Variants in CTNNA3 observed in about 807,000 individuals in gnomAD.
The protein encoded by CTNNA3 is catenin alpha 3.
CTNNA3 carries 76 observed loss-of-function variants against 95.7 expected under a neutral mutation model. The observed-to-expected ratio is 0.79, with a 90% confidence interval of 0.66 to 0.96. CTNNA3 has a LOEUF of 0.96. Among genes scored for constraint, CTNNA3 ranks in the 40% least tolerant of loss-of-function variants. The probability of loss-of-function intolerance (pLI) is 0.00; values close to 1 mark genes in which losing one functional copy is unlikely to be tolerated. For synonymous variants in CTNNA3, 431 were observed against 374.4 expected (o/e 1.15, Z -1.74); for missense variants, 1,191 against 1,089.8 (o/e 1.09, Z -1.31).
At chr10:66,600,073 C>T (rs1043685199) in intron 10 of CTNNA3, among the ~76,000 whole-genome samples, 1 of 151,796 alleles carries the variant, frequency 6.6e-6, no homozygotes, top group African/African-American at 2.4e-5. Context: ...GCATATTTAA[C>T]AACCAGGCTA....
chr10:67,430,952 A>G (rs1461585301), intron 5 of CTNNA3, among the ~76,000 whole-genome samples: 5 of 151,930 alleles, frequency 3.3e-5, no homozygotes, highest in African/African-American at 7.2e-5. Context: ...GCAAAGATAA[A>G]TAAATTTGTC....
chr10:67,008,529 T>G (rs1369327917), intron 7 of CTNNA3, among the ~76,000 whole-genome samples: 1 of 152,158 alleles, frequency 6.6e-6, no homozygotes, highest in East Asian at 1.9e-4. Flanking sequence ...CAATAATGTA[T>G]TTGTTCATAA....
intron 12 of CTNNA3, among the ~76,000 whole-genome samples, chr10:66,290,085 A>G (rs1007050644): frequency 4.6e-5 from 7 of 152,044 alleles, no homozygotes; most frequent in Non-Finnish European, 8.8e-5. Context: ...GGGTGGATAA[A>G]AGGAAAGAAG....
rs541201784 is a variant in CTNNA3 at position 66,432,139 on chromosome 10, C to T, written c.1532-52787G>A. On this transcript the variant is annotated intron_variant, in intron 11 of 17. Transcript: ENST00000433211. The stretch of plus-strand genomic sequence containing the variant: ...AAGTATGGTATTTAATAATAAAAAA[C>T]AAATTTAGAACAATAAAAGGTTAAG... Among the ~76,000 whole-genome samples the T allele has an allele frequency of 1.6e-3, 242 of 151,696 alleles. 1 individual carries two copies. The highest frequency in any genetic ancestry group is 5.5e-3 in the African/African-American group (229 of 41,384).
chr10:66,556,073 C>A (rs1842379925), intron 10 of CTNNA3, among the ~76,000 whole-genome samples: 1 of 151,740 alleles, frequency 6.6e-6, no homozygotes, highest in Non-Finnish European at 1.5e-5. Context: ...GACATTTTCC[C>A]AAAAAGGCAT....
At chr10:66,910,328 T>C (rs1846168625) in intron 7 of CTNNA3, among the ~76,000 whole-genome samples, 1 of 152,194 alleles carries the variant, frequency 6.6e-6, no homozygotes, top group Admixed American at 6.5e-5. Context: ...ATAATCTTTG[T>C]ATCAAGTTGA....
chr10:67,635,955 C>T (rs1465187788), intron 2 of CTNNA3, among the ~76,000 whole-genome samples: 2 of 152,136 alleles, frequency 1.3e-5, no homozygotes, highest in African/African-American at 4.8e-5. Flanking sequence ...AGCTGATAAG[C>T]AACTTCAGCA....
At chr10:66,023,428 T>A (rs1006993549) in intron 15 of CTNNA3, among the ~76,000 whole-genome samples, 11 of 152,164 alleles carry the variant, frequency 7.2e-5, no homozygotes, top group Non-Finnish European at 2.9e-5. Flanking sequence ...GACAGAGAGA[T>A]ACAGTATTGA....
chr10:66,017,760 T>C (rs2079123509), intron 15 of CTNNA3, among the ~76,000 whole-genome samples: 2 of 152,124 alleles, frequency 1.3e-5, no homozygotes, highest in African/African-American at 4.8e-5. Flanking sequence ...ATTTCTGGTT[T>C]AACAAATGAG....
rs184240647 is a variant in CTNNA3 at position 67,228,218 on chromosome 10, T to C, written c.580-8348A>G. Among the ~76,000 whole-genome samples, 346 of 152,072 alleles carry C rather than the reference T, an allele frequency of 2.3e-3. 3 individuals are homozygous for C. Among genetic ancestry groups the C allele is most frequent in the African/African-American group, 8.0e-3 (330 of 41,506 alleles). ...GAAATCGAAACAAAATGAAAACAGA[T>C]GATAAATGAAACAAAAAGTTAGTTT... On this transcript the variant is annotated intron_variant, in intron 5 of 17. Transcript: ENST00000433211.
rs185604337 is a variant in CTNNA3 at position 65,983,885 on chromosome 10, A to G, written c.2265+4807T>C. Among the ~76,000 whole-genome samples, 360 of 151,410 alleles carry G rather than the reference A, an allele frequency of 2.4e-3. 2 individuals are homozygous for G. The highest frequency in any genetic ancestry group is 8.3e-3 in the African/African-American group (346 of 41,498). ...AAGCAATGAAGGAAGGAAAAGTGAAAAATAAAAATGAAAAGGCCAAGCAAG... is the reference window on the plus strand; with the variant it reads ...AAGCAATGAAGGAAGGAAAAGTGAAGAATAAAAATGAAAAGGCCAAGCAAG... On this transcript the variant is annotated intron_variant, in intron 16 of 17. Coordinates refer to ENST00000433211, the MANE Select transcript of CTNNA3 (RefSeq NM_013266.4).
At chr10:67,273,421 A>G (rs1025872814) in intron 5 of CTNNA3, among the ~76,000 whole-genome samples, 6 of 152,144 alleles carry the variant, frequency 3.9e-5, no homozygotes, top group African/African-American at 1.4e-4. Flanking sequence ...TTAGATGCCA[A>G]TACACATCTG....
chr10:66,222,358 C>T (rs1192411128), intron 13 of CTNNA3, among the ~76,000 whole-genome samples: 1 of 152,150 alleles, frequency 6.6e-6, no homozygotes, highest in Non-Finnish European at 1.5e-5. Flanking sequence ...AATGTCTACA[C>T]ATTCTCTGCA....
chr10:67,648,084 AGTT>A (rs770161015), intron 1 of CTNNA3, among the ~76,000 whole-genome samples: 4 of 152,314 alleles, frequency 2.6e-5, no homozygotes, highest in East Asian at 3.9e-4. Flanking sequence ...CAAATTGCAC[AGTT>A]GTTGTAAAAA....
rs527699623 is a variant in CTNNA3, at chr10:66,986,030, A to G, written c.1047+194287T>C. 5.7e-4 allele frequency among the ~76,000 whole-genome samples: 87 copies of G among 152,170 alleles called. 1 individual carries two copies. Among genetic ancestry groups the G allele is most frequent in the African/African-American group, 1.8e-3 (74 of 41,536 alleles). ...CGTGAGCCACCATGCCTGGCCTCACATTCCTTCTTTTAATTATTTGCATTG... is the reference window on the plus strand; with the variant it reads ...CGTGAGCCACCATGCCTGGCCTCACGTTCCTTCTTTTAATTATTTGCATTG... On this transcript the variant is annotated intron_variant, in intron 7 of 17. Transcript: ENST00000433211.
intron 3 of CTNNA3, among the ~76,000 whole-genome samples, chr10:67,565,165 GAAAACCCTAAAGACTCCATACA>G (rs1442517136): frequency 1.6e-5 from 2 of 127,644 alleles, no homozygotes; most frequent in Admixed American, 1.6e-4. Context: ...CTTATATTTA[GAAAACCCTAAAGACTCCATACA>G]AAAACTCTTA....
intron 9 of CTNNA3, among the ~76,000 whole-genome samples, chr10:66,725,618 G>A (rs1340713670): frequency 6.6e-6 from 1 of 152,060 alleles, no homozygotes; most frequent in African/African-American, 2.4e-5. Flanking sequence ...ACATTGCCCA[G>A]TTACTCCACC....
intron 9 of CTNNA3, among the ~76,000 whole-genome samples, chr10:66,638,993 T>TA (rs1333660135): frequency 6.6e-6 from 1 of 152,184 alleles, no homozygotes; most frequent in Non-Finnish European, 1.5e-5. Flanking sequence ...TGCAGAGAAA[T>TA]AAAAATATAT....
At chr10:66,172,358 T>C (rs561220697) in intron 13 of CTNNA3, among the ~76,000 whole-genome samples, 33 of 152,266 alleles carry the variant, frequency 2.2e-4, no homozygotes, top group Admixed American at 2.1e-3. Context: ...CTTAATTTAG[T>C]ATTTGGCTCA....
Sources: allele counts gnomAD v4.1 joint callset (sites outside exome capture counted in the v4.1 genomes callset), GRCh38; gene constraint gnomAD v4.1.1; transcripts MANE v1.5; gene names NCBI Gene and HGNC (gene_info 2026-07-23, HGNC 2026-07-21).